PARD3: variants seen among roughly 807,000 people sequenced by gnomAD.
PARD3 encodes par-3 family cell polarity regulator.
In PARD3, 75 loss-of-function variants were observed where a neutral mutation model predicts 155.4. The ratio of observed to expected loss-of-function variants is 0.48; its 90% CI spans 0.40 to 0.58. The LOEUF is 0.58. Among genes scored for constraint, PARD3 ranks in the 20% least tolerant of loss-of-function variants. The pLI is 0.00. For missense variants in PARD3, 1,642 were observed against 1,721.7 expected (o/e 0.95, Z 0.82); for synonymous variants, 576 against 610.5 (o/e 0.94, Z 0.83).
rs894074512 is a variant in PARD3 at position 34,578,999 on chromosome 10, G to A, written c.223-61840C>T. On this transcript the variant is annotated intron_variant, in intron 2 of 24. Transcript: ENST00000374788. The stretch of plus-strand genomic sequence containing the variant: ...CAAAGAGAAAATTATAAGGCTGCGC[G>A]CAGTAGCTCATTCCTGTAATCCCAG... Among the ~76,000 whole-genome samples the A allele has an allele frequency of 2.0e-5, 3 of 152,156 alleles. No homozygotes were observed. The South Asian group carries it at 6.2e-4, about 32-fold the overall frequency.
At chr10:34,189,946 A>C (rs1342198847) in intron 22 of PARD3, among the ~76,000 whole-genome samples, 1 of 152,222 alleles carries the variant, frequency 6.6e-6, no homozygotes, top group Non-Finnish European at 1.5e-5. Context: ...TGATGGTTGC[A>C]TAATTAAGAT....
chr10:34,480,794 CTTTTTT>C (rs61461165), intron 3 of PARD3, among the ~76,000 whole-genome samples: 67 of 125,754 alleles, frequency 5.3e-4, no homozygotes, highest in Admixed American at 1.4e-3. Flanking sequence ...GTTTCTTTTT[CTTTTTT>C]TTTTTTTTTT....
intron 14 of PARD3, 113 bp from the exon 15 acceptor site, chr10:34,348,228 G>A: frequency 1.2e-6 from 1 of 850,318 alleles, no homozygotes; most frequent in Admixed American, 3.1e-5. Context: ...GGTACCAAAT[G>A]AACTAGAACT....
At chr10:34,137,656 T>C (rs1414522966) in intron 22 of PARD3, among the ~76,000 whole-genome samples, 2 of 152,228 alleles carry the variant, frequency 1.3e-5, no homozygotes, top group Non-Finnish European at 2.9e-5. Context: ...AGTTTGAAAC[T>C]GATTGTATGC....
intron 22 of PARD3, among the ~76,000 whole-genome samples, chr10:34,137,339 C>A (rs1344562010): frequency 6.6e-6 from 1 of 152,114 alleles, no homozygotes; most frequent in Admixed American, 6.5e-5. Context: ...GCATGGAACA[C>A]AATGCTGTCA....
At chr10:34,259,361 C>T (rs535066607) in intron 22 of PARD3, among the ~76,000 whole-genome samples, 10 of 152,218 alleles carry the variant, frequency 6.6e-5, no homozygotes, top group Admixed American at 3.9e-4. Context: ...AAGTTCCTTC[C>T]GGAGGCTCGA....
chr10:34,645,186 TTTTTATTTTATTTTGATTTATTTTA>T (rs145684894), intron 2 of PARD3, among the ~76,000 whole-genome samples: 2 of 115,480 alleles, frequency 1.7e-5, no homozygotes, highest in African/African-American at 6.2e-5. Flanking sequence ...TTTTATTTTA[TTTTTATTTTATTTTGATTTATTTTA>T]TTTTATTTTT....
chr10:34,254,347 C>G (rs549185613), intron 22 of PARD3, among the ~76,000 whole-genome samples: 10 of 151,978 alleles, frequency 6.6e-5, no homozygotes, highest in South Asian at 2.1e-4. Flanking sequence ...CCACTGCACT[C>G]CAGCCTGGGC....
chr10:34,471,325 C>G (rs1475307605), intron 3 of PARD3, among the ~76,000 whole-genome samples: 2 of 152,132 alleles, frequency 1.3e-5, no homozygotes, highest in Non-Finnish European at 2.9e-5. Context: ...ACAATGAGAA[C>G]AGCCTGGCAA....
intron 5 of PARD3, among the ~76,000 whole-genome samples, chr10:34,413,168 C>T (rs1168813716): frequency 6.6e-6 from 1 of 151,708 alleles, no homozygotes; most frequent in Non-Finnish European, 1.5e-5. Flanking sequence ...CACACACACA[C>T]ACACACACAC....
At chr10:34,562,823 C>T (rs2085612274) in intron 2 of PARD3, among the ~76,000 whole-genome samples, 1 of 151,798 alleles carries the variant, frequency 6.6e-6, no homozygotes, top group African/African-American at 2.4e-5. Flanking sequence ...TACAGTGGCT[C>T]CATCACAGAT....
chr10:34,344,309 G>A, intron 15 of PARD3: 1 of 935,702 alleles, frequency 1.1e-6, no homozygotes, highest in African/African-American at 1.9e-5. Flanking sequence ...TGGATATGGA[G>A]TCTCACTCTG....
At chr10:34,202,922 G>A (rs10827337) in intron 22 of PARD3, among the ~76,000 whole-genome samples, 30,453 of 152,096 alleles carry the variant, frequency 0.2, 3,159 homozygotes, top group Middle Eastern at 0.31. Flanking sequence ...GCTGTACTGA[G>A]CTGGCTGTGA....
At chr10:34,264,295 C>T (rs373681491) in intron 22 of PARD3, among the ~76,000 whole-genome samples, 6 of 152,124 alleles carry the variant, frequency 3.9e-5, no homozygotes, top group Non-Finnish European at 7.4e-5. Context: ...AGCTAACCCA[C>T]GATGTTTGGT....
intron 14 of PARD3, among the ~76,000 whole-genome samples, chr10:34,352,661 G>A (rs937573615): frequency 6.6e-6 from 1 of 152,228 alleles, no homozygotes; most frequent in African/African-American, 2.4e-5. Flanking sequence ...ATCTTGCCCA[G>A]GCTGGAGTGC....
intron 22 of PARD3, among the ~76,000 whole-genome samples, chr10:34,145,217 A>ATTTTTTTT (rs1387505653): frequency 2.2e-4 from 13 of 57,944 alleles, no homozygotes; most frequent in Non-Finnish European, 3.1e-4. Flanking sequence ...ATATATATAT[A>ATTTTTTTT]TATATTTTTT....
intron 22 of PARD3, among the ~76,000 whole-genome samples, chr10:34,141,811 AC>A (rs1948203018): frequency 6.6e-6 from 1 of 152,176 alleles, no homozygotes; most frequent in South Asian, 2.1e-4. Context: ...CAATAAATAC[AC>A]ACAAGAAAGC....
At position 34,661,967 on chromosome 10, in the gene PARD3, C is replaced by T. The variant is rs2496726; in HGVS notation, c.222+34351G>A. ...CCCCACTGGAAAGAAGGTCCTGCAGCCAGATCCTGCATGTAAGCACCCTGG... is the reference window on the plus strand; with the variant it reads ...CCCCACTGGAAAGAAGGTCCTGCAGTCAGATCCTGCATGTAAGCACCCTGG... On this transcript the variant is annotated intron_variant, in intron 2 of 24. Transcript: ENST00000374788. 4.0e-3 allele frequency among the ~76,000 whole-genome samples: 614 copies of T among 152,294 alleles called. 5 individuals carry two copies. Among genetic ancestry groups the T allele is most frequent in the African/African-American group, 0.014 (591 of 41,568 alleles).
At chr10:34,166,812 C>T (rs768797561) in intron 22 of PARD3, among the ~76,000 whole-genome samples, 32 of 152,088 alleles carry the variant, frequency 2.1e-4, no homozygotes, top group Non-Finnish European at 3.4e-4. Flanking sequence ...ACCAACTAAA[C>T]GAGAACCTTA....
Sources: allele counts gnomAD v4.1 joint callset (sites outside exome capture counted in the v4.1 genomes callset), GRCh38; gene constraint gnomAD v4.1.1; transcripts MANE v1.5; gene names NCBI Gene and HGNC (gene_info 2026-07-23, HGNC 2026-07-21).